Variants in BTBD10 observed in about 807,000 individuals in gnomAD.
BTBD10 encodes BTB domain containing 10.
A neutral mutation model predicts 53.2 loss-of-function variants in BTBD10; 21 were observed. The ratio of observed to expected loss-of-function variants is 0.39; its 90% CI spans 0.28 to 0.57. BTBD10 has a LOEUF of 0.57. Ranked by LOEUF, BTBD10 falls within the 20% of genes least tolerant of loss-of-function variation. BTBD10 has a pLI of 0.53. For missense variants in BTBD10, 360 were observed against 594.7 expected, an observed-to-expected ratio of 0.61 and a Z score of 4.10; for synonymous variants, 149 against 192.7, an observed-to-expected ratio of 0.77 and a Z score of 1.88.
At chr11:13,453,115 T>C (rs1363052457) in intron 1 of BTBD10, among the ~76,000 whole-genome samples, 1 of 152,204 alleles carries the variant, frequency 6.6e-6, no homozygotes, top group Non-Finnish European at 1.5e-5. Context: ...AATGTTCATC[T>C]AGTTTATCGG....
At chr11:13,417,870 A>G (rs2135817043) in intron 4 of BTBD10, among the ~76,000 whole-genome samples, 1 of 152,342 alleles carries the variant, frequency 6.6e-6, no homozygotes, top group Admixed American at 6.5e-5. Flanking sequence ...GGCAAGTTTA[A>G]GAAAATAAAT....
chr11:13,432,755 T>A (rs1480698398), intron 2 of BTBD10, among the ~76,000 whole-genome samples: 1 of 151,836 alleles, frequency 6.6e-6, no homozygotes, highest in Non-Finnish European at 1.5e-5. Flanking sequence ...ACAAAGTTAC[T>A]AGAAGGGTTG....
At chr11:13,408,072 C>T (rs368117566) in intron 6 of BTBD10, among the ~76,000 whole-genome samples, 1 of 152,308 alleles carries the variant, frequency 6.6e-6, no homozygotes, top group African/African-American at 2.4e-5. Flanking sequence ...TATTGTGATA[C>T]AGCCATAAGC....
At chr11:13,453,424 CTTACT>C (rs1348429269) in intron 1 of BTBD10, among the ~76,000 whole-genome samples, 4 of 152,108 alleles carry the variant, frequency 2.6e-5, no homozygotes, top group Non-Finnish European at 5.9e-5. Flanking sequence ...AATAAGGAGA[CTTACT>C]TTTTGTTGTA....
In BTBD10 at chr11:13,445,018, A is replaced by G. The variant is rs1353015621; in HGVS notation, c.101+6T>C. ...TTCATATGCGAAATACATATTTTCT[A>G]CCTACCTTGAATGTTTATAAAGTTT... On this transcript the variant is annotated splice_donor_region_variant and intron_variant, in intron 2 of 8. Coordinates refer to ENST00000278174, the MANE Select transcript of BTBD10 (RefSeq NM_032320.7). The G allele has an allele frequency of 6.3e-7, 1 of 1,593,272 alleles. No homozygotes were observed. Among genetic ancestry groups the G allele is most frequent in the African/African-American group, 1.3e-5 (1 of 74,378 alleles).
At position 13,434,343 on chromosome 11, in the gene BTBD10, A is replaced by C. The variant is rs576920998; in HGVS notation, c.101+10681T>G. On this transcript the variant is annotated intron_variant, in intron 2 of 8. Coordinates refer to ENST00000278174, the MANE Select transcript of BTBD10 (RefSeq NM_032320.7). ...AGAGTGCCACCGCTTTGAATGGTCA[A>C]AGTAGAACTCTCTGAGGGGGAAGTG... Among the ~76,000 whole-genome samples, 606 of 152,300 alleles carry C rather than the reference A, an allele frequency of 4.0e-3. 8 individuals are homozygous for C. The highest frequency in any genetic ancestry group is 0.014 in the African/African-American group (565 of 41,560).
At position 13,447,406 on chromosome 11, in the gene BTBD10, A is replaced by G. The variant is rs546998819; in HGVS notation, c.-57-2225T>C. Among the ~76,000 whole-genome samples the G allele has an allele frequency of 5.9e-5, 9 of 152,292 alleles. No homozygotes were observed. The South Asian group carries it at 6.2e-4, about 11-fold the overall frequency. On this transcript the variant is annotated intron_variant, in intron 1 of 8. Coordinates refer to ENST00000278174, the MANE Select transcript of BTBD10 (RefSeq NM_032320.7). ...AGAATATCTGGGAATACAGACTAAC[A>G]TATCTTTGAAGAGCATTTTATCTCT...
intron 5 of BTBD10, among the ~76,000 whole-genome samples, chr11:13,414,845 A>AG (rs778733233): frequency 2.1e-3 from 40 of 19,172 alleles, no homozygotes; most frequent in African/African-American, 4.1e-3. Context: ...ATCTCAAACG[A>AG]AAAAAAAAAA....
intron 1 of BTBD10, among the ~76,000 whole-genome samples, chr11:13,453,352 A>C (rs1369595573): frequency 6.6e-6 from 1 of 152,150 alleles, no homozygotes; most frequent in Non-Finnish European, 1.5e-5. Context: ...TGTATATGTT[A>C]AGATAAAATG....
chr11:13,458,295 T>A (rs998306851), intron 1 of BTBD10, among the ~76,000 whole-genome samples: 20 of 110,160 alleles, frequency 1.8e-4, no homozygotes, highest in African/African-American at 5.6e-4. Flanking sequence ...GCTGTATATA[T>A]GTATATTTAT....
At chr11:13,418,296 G>T (rs1033586422) in intron 4 of BTBD10, among the ~76,000 whole-genome samples, 1 of 151,878 alleles carries the variant, frequency 6.6e-6, no homozygotes, top group African/African-American at 2.4e-5. Flanking sequence ...TGAAAAAGGA[G>T]AAAAAGAAGA....
chr11:13,452,815 A>T (rs1950888463), intron 1 of BTBD10, among the ~76,000 whole-genome samples: 1 of 152,206 alleles, frequency 6.6e-6, no homozygotes, highest in Non-Finnish European at 1.5e-5. Context: ...ATCTATTATT[A>T]TTTTAACCAT....
intron 2 of BTBD10, among the ~76,000 whole-genome samples, chr11:13,443,487 G>C (rs1950699790): frequency 6.6e-6 from 1 of 151,172 alleles, no homozygotes; most frequent in Non-Finnish European, 1.5e-5. Flanking sequence ...TTTTTCAGCA[G>C]AAAAACAGCA....
intron 4 of BTBD10, among the ~76,000 whole-genome samples, chr11:13,418,699 T>C (rs1177309302): frequency 6.6e-6 from 1 of 152,156 alleles, no homozygotes; most frequent in African/African-American, 2.4e-5. Flanking sequence ...ACATTACATA[T>C]GCAATCTAGT....
intron 3 of BTBD10, among the ~76,000 whole-genome samples, 187 bp from the exon 4 acceptor site, chr11:13,419,932 A>C (rs1950209606): frequency 6.6e-6 from 1 of 152,208 alleles, no homozygotes. Flanking sequence ...TACAACCCAA[A>C]ACATCAAAAT....
Position 13,437,714 on chromosome 11 carries a change from C to T in BTBD10, c.101+7310G>A, listed in dbSNP as rs771773510. Among the ~76,000 whole-genome samples, 3 of 152,140 alleles carry T rather than the reference C, an allele frequency of 2.0e-5. No homozygotes were observed. In the South Asian group the frequency reaches 6.2e-4, roughly 31 times the overall value. On this transcript the variant is annotated intron_variant, in intron 2 of 8. Transcript: ENST00000278174. The stretch of plus-strand genomic sequence containing the variant: ...GGTCTGGCAATCTAATTTTAACAAA[C>T]CTATCCCTAATCATTTTTAAACTGT...
In BTBD10 at chr11:13,440,377, T is replaced by C. The variant is rs189267920; in HGVS notation, c.101+4647A>G. The C allele has an allele frequency of 3.9e-3, 3,509 of 902,130 alleles. 10 individuals carry two copies. Among genetic ancestry groups the C allele is most frequent in the Non-Finnish European group, 4.5e-3 (3,312 of 744,018 alleles). 55.9% of individuals were successfully genotyped at this position (902,130 alleles called of 1,614,324 possible). A position where few individuals can be genotyped will look rare whatever the true frequency, so the allele number is the denominator to read the frequency against. ...AACGCAGGAGTTGAGGGCTTAGAGATATGTAGATATGTTGCCAAATGCCAT... is the reference window on the plus strand; with the variant it reads ...AACGCAGGAGTTGAGGGCTTAGAGACATGTAGATATGTTGCCAAATGCCAT... On this transcript the variant is annotated intron_variant, in intron 2 of 8. Coordinates refer to ENST00000278174, the MANE Select transcript of BTBD10 (RefSeq NM_032320.7).
At chr11:13,440,188 C>T in intron 2 of BTBD10, 5 of 1,429,946 alleles carry the variant, frequency 3.5e-6, no homozygotes, top group Non-Finnish European at 3.7e-6. Context: ...GATACAACCC[C>T]CTCTACATAT....
At chr11:13,428,856 T>C (rs1457554665) in intron 2 of BTBD10, among the ~76,000 whole-genome samples, 1 of 152,114 alleles carries the variant, frequency 6.6e-6, no homozygotes, top group Non-Finnish European at 1.5e-5. Context: ...GCAGAAAACA[T>C]GATCATCTAT....
Sources: gnomAD v4.1 joint callset for allele counts (sites outside exome capture counted in the v4.1 genomes callset) on GRCh38, gnomAD v4.1.1 for gene constraint, MANE v1.5 for transcripts, NCBI Gene and HGNC (gene_info 2026-07-23, HGNC 2026-07-21) for gene names.